The following TUSC3 variants were observed in gnomAD, a reference collection of about 807,000 sequenced individuals.
TUSC3 encodes the protein tumor suppressor candidate 3, also known as dolichyl-diphosphooligosaccharide--protein glycosyltransferase subunit TUSC3.
A neutral mutation model predicts 44.8 loss-of-function variants in TUSC3; 45 were observed. That is an observed-to-expected ratio of 1.00 (90% CI 0.79 to 1.29). The LOEUF (loss-of-function observed/expected upper bound fraction) is 1.29. TUSC3 is among the 50% of genes most tolerant of loss of function. The pLI is 0.00. For synonymous variants in TUSC3, 212 were observed against 152.9 expected, an observed-to-expected ratio of 1.39 and a Z score of -2.85; for missense variants, 519 against 437.9, an observed-to-expected ratio of 1.19 and a Z score of -1.65.
downstream of TUSC3, among the ~76,000 whole-genome samples, chr8:15,769,726 A>T (rs1261200501): frequency 1.3e-5 from 2 of 152,310 alleles, no homozygotes; most frequent in South Asian, 2.1e-4. Flanking sequence ...ACTGAAATTT[A>T]TAAGAGAAAA....
chr8:15,720,201 TACAC>T (rs60082069), intron 6 of TUSC3, among the ~76,000 whole-genome samples: 11 of 141,708 alleles, frequency 7.8e-5, no homozygotes, highest in African/African-American at 2.7e-4. Context: ...TATATATATA[TACAC>T]ACACACACAC....
At chr8:15,764,129 G>A (rs1812259049) in intron 10 of TUSC3, 74 bp from the exon 11 acceptor site, 1 of 1,362,326 alleles carries the variant, frequency 7.3e-7, no homozygotes, top group East Asian at 2.3e-5. Flanking sequence ...TGCTAATTTA[G>A]AATGGAATAA....
Position 15,623,124 on chromosome 8 carries a change from C to T in TUSC3, c.183C>T (p.Ser61=), listed in dbSNP as rs762588289. 1 of 1,613,782 alleles carries T rather than the reference C, an allele frequency of 6.2e-7. No homozygotes were observed. Among genetic ancestry groups the T allele is most frequent in the South Asian group, 1.1e-5 (1 of 91,036 alleles). ...EKVEQLMEWS[S]RRSIFRMNGD... is the part of the protein sequence containing the mutation. ...TAGAGCAGCTGATGGAATGGAGTTC[C>T]AGACGCTCAATCTTCCGAATGAATG... Residue 61 remains serine (S), a synonymous_variant, in exon 2 of 11, where the codon TCC becomes TCT. Coordinates refer to ENST00000503731, the MANE Select transcript of TUSC3 (RefSeq NM_006765.4).
chr8:15,452,890 CT>C (rs571084137), intron 1 of TUSC3, among the ~76,000 whole-genome samples: 4 of 151,974 alleles, frequency 2.6e-5, no homozygotes, highest in African/African-American at 7.2e-5. Context: ...TAATTTCATA[CT>C]TTTTTTTAAT....
chr8:15,850,620 G>C, the TUSC3 span, among the ~76,000 whole-genome samples: 2 of 152,012 alleles, frequency 1.3e-5, no homozygotes, highest in African/African-American at 4.8e-5. Flanking sequence ...CTTTTGAAAG[G>C]TTCTATTTGT....
At chr8:15,650,646 T>G in intron 2 of TUSC3, 51 bp from the exon 3 acceptor site, 1 of 1,509,560 alleles carries the variant, frequency 6.6e-7, no homozygotes, top group Admixed American at 1.7e-5. Context: ...AACTGCTTTG[T>G]AGATGCTTCA....
At chr8:15,465,451 C>G (rs1194312125) in intron 1 of TUSC3, among the ~76,000 whole-genome samples, 1 of 152,140 alleles carries the variant, frequency 6.6e-6, no homozygotes, top group Non-Finnish European at 1.5e-5. Flanking sequence ...GAAATTTTCA[C>G]TTAAAATGAT....
intron 1 of TUSC3, among the ~76,000 whole-genome samples, chr8:15,617,360 G>C (rs80095027): frequency 6.6e-6 from 1 of 151,268 alleles, no homozygotes; most frequent in Non-Finnish European, 1.5e-5. Flanking sequence ...GGGTGGTCTC[G>C]AACTCCTGAC....
At chr8:15,619,933 C>T (rs1323449113) in intron 1 of TUSC3, among the ~76,000 whole-genome samples, 1 of 152,076 alleles carries the variant, frequency 6.6e-6, no homozygotes, top group Non-Finnish European at 1.5e-5. Context: ...AAAAATGACT[C>T]AATTTTGCCA....
At chr8:15,598,857 G>A (rs1339911796) in intron 1 of TUSC3, among the ~76,000 whole-genome samples, 1 of 151,640 alleles carries the variant, frequency 6.6e-6, no homozygotes, top group Non-Finnish European at 1.5e-5. Context: ...GGATGTCTTG[G>A]TTGCTTCTGA....
chr8:15,534,598 G>A (rs908911561), intron 2 of TUSC3, among the ~76,000 whole-genome samples: 2 of 149,780 alleles, frequency 1.3e-5, no homozygotes, highest in Non-Finnish European at 3.0e-5. Context: ...GGCCGAGATC[G>A]CGCCACTGCA....
At chr8:15,806,967 C>T in the TUSC3 span, 8 of 1,467,422 alleles carry the variant, frequency 5.5e-6, no homozygotes, top group African/African-American at 9.6e-5. Flanking sequence ...CATCAATCTC[C>T]AGGAAACCTG....
At chr8:15,499,534 G>A (rs973755509) in intron 2 of TUSC3, among the ~76,000 whole-genome samples, 8 of 152,282 alleles carry the variant, frequency 5.3e-5, no homozygotes, top group African/African-American at 1.4e-4. Flanking sequence ...CTTATAATGA[G>A]ATAAATGGCC....
At chr8:15,495,306 G>T (rs1432380932) in intron 2 of TUSC3, among the ~76,000 whole-genome samples, 1 of 152,128 alleles carries the variant, frequency 6.6e-6, no homozygotes, top group Non-Finnish European at 1.5e-5. Flanking sequence ...CTTCTACTTT[G>T]TCTCCCCAAA....
intron 9 of TUSC3, among the ~76,000 whole-genome samples, chr8:15,749,751 T>A (rs1811611147): frequency 6.7e-6 from 1 of 150,066 alleles, no homozygotes; most frequent in Admixed American, 6.7e-5. Context: ...TTTTTTCTTT[T>A]GCCCTGCTCT....
intron 2 of TUSC3, among the ~76,000 whole-genome samples, chr8:15,510,496 A>G (rs1458845773): frequency 6.6e-6 from 1 of 152,200 alleles, no homozygotes; most frequent in African/African-American, 2.4e-5. Flanking sequence ...CTTATGTGAA[A>G]TACACAAATA....
At chr8:15,805,030 C>G in the TUSC3 span, among the ~76,000 whole-genome samples, 1 of 151,986 alleles carries the variant, frequency 6.6e-6, no homozygotes, top group Admixed American at 6.6e-5. Context: ...GTTGTTCTTG[C>G]AGAAATCTTT....
At chr8:15,514,308 G>A (rs1364063530) in intron 2 of TUSC3, among the ~76,000 whole-genome samples, 1 of 152,126 alleles carries the variant, frequency 6.6e-6, no homozygotes, top group Admixed American at 6.6e-5. Context: ...TAGATTTGTG[G>A]TAGTAATTTA....
At chr8:15,525,622 C>T (rs1009280192) in intron 2 of TUSC3, among the ~76,000 whole-genome samples, 4 of 152,096 alleles carry the variant, frequency 2.6e-5, no homozygotes, top group East Asian at 1.9e-4. Context: ...TGTAGTAGAT[C>T]ACTCATTTTC....
Sources: gnomAD v4.1 joint callset for allele counts (sites outside exome capture counted in the v4.1 genomes callset) on GRCh38, gnomAD v4.1.1 for gene constraint, MANE v1.5 for transcripts, NCBI Gene and HGNC (gene_info 2026-07-23, HGNC 2026-07-21) for gene names.